The following HFE variants were observed in gnomAD, a reference collection of about 807,000 sequenced individuals.
HFE encodes the protein hereditary hemochromatosis protein.
In HFE, 36 loss-of-function variants were observed where a neutral mutation model predicts 40.9. The observed-to-expected ratio is 0.88, with a 90% confidence interval of 0.67 to 1.16. The LOEUF is 1.16. HFE is among the 50% of genes most tolerant of loss of function. HFE has a pLI of 0.00. For synonymous variants in HFE, 157 were observed against 165.4 expected (o/e 0.95, Z 0.39); for missense variants, 376 against 432.0 (o/e 0.87, Z 1.15).
rs1763004216 is a variant in HFE, at chr6:26,095,746, CT to C, written c.*1521del. On this transcript the variant is annotated 3_prime_UTR_variant, in exon 6 of 6. Transcript: ENST00000357618. Reference sequence around the variant, plus strand: ...AAGGGGAACAGCAGAAAACAACCAACTGATCCTCAGCTGTCATGTTTCCTTT... The same window carrying C: ...AAGGGGAACAGCAGAAAACAACCAACGATCCTCAGCTGTCATGTTTCCTTT... 6.6e-6 allele frequency: 1 copy of C among 152,214 alleles called. No individual in the cohort carries two copies. Among genetic ancestry groups the C allele is most frequent in the African/African-American group, 2.4e-5 (1 of 41,460 alleles). The allele number at this position is 152,214 out of a possible 1,614,324, so 9.4% of individuals were successfully genotyped here.
chr6:26,096,073 T>TA lies in HFE; in HGVS notation c.*1857dup, dbSNP rs371279653. ...GAGCCACTGGGGTTCCGGTGCACATTAAAAAAAAAATCTAACCAGGACATT... is the reference window on the plus strand; with the variant it reads ...GAGCCACTGGGGTTCCGGTGCACATTAAAAAAAAAAATCTAACCAGGACATT... On this transcript the variant is annotated 3_prime_UTR_variant, in exon 6 of 6. Coordinates refer to ENST00000357618, the MANE Select transcript of HFE (RefSeq NM_000410.4). 3.8e-3 allele frequency: 572 copies of TA among 150,492 alleles called. 3 individuals are homozygous for TA. The highest frequency in any genetic ancestry group is 0.012 in the African/African-American group (470 of 40,274). The allele number at this position is 150,492 out of a possible 1,614,324, so 9.3% of individuals were successfully genotyped here.
Position 26,097,186 on chromosome 6 carries a change from T to C in HFE, c.*2960T>C, listed in dbSNP as rs1001345852. 1.3e-5 allele frequency: 2 copies of C among 152,376 alleles called. No individual in the cohort carries two copies. Among genetic ancestry groups the C allele is most frequent in the Non-Finnish European group, 2.9e-5 (2 of 68,160 alleles). The allele number at this position is 152,376 out of a possible 1,614,324, so 9.4% of individuals were successfully genotyped here. ...GGTAAGCATTTGTTTTATATTGGTT[T>C]TATTTCACCTGGGCTGAGATTTCAA... On this transcript the variant is annotated 3_prime_UTR_variant, in exon 6 of 6. Coordinates refer to ENST00000357618, the MANE Select transcript of HFE (RefSeq NM_000410.4).
At chr6:26,089,750 A>G (rs1312806013) in intron 1 of HFE, among the ~76,000 whole-genome samples, 1 of 152,000 alleles carries the variant, frequency 6.6e-6, no homozygotes, top group African/African-American at 2.4e-5. Flanking sequence ...AACACAGCAA[A>G]ACCCCTTCTC....
intron 1 of HFE, among the ~76,000 whole-genome samples, 198 bp downstream of exon 1, chr6:26,087,714 C>G (rs1160591575): frequency 6.6e-6 from 1 of 152,208 alleles, no homozygotes; most frequent in Non-Finnish European, 1.5e-5. Flanking sequence ...GTCCCTCGCC[C>G]CAGGACCTGC....
In HFE at chr6:26,096,526, T is replaced by G. The variant is rs1470992808; in HGVS notation, c.*2300T>G. 3 of 456,444 alleles carry G rather than the reference T, an allele frequency of 6.6e-6. No homozygotes were observed. Among genetic ancestry groups the G allele is most frequent in the African/African-American group, 6.0e-5 (3 of 50,088 alleles). 28.3% of individuals were successfully genotyped at this position (456,444 alleles called of 1,614,324 possible). A position where few individuals can be genotyped will look rare whatever the true frequency, so the allele number is the denominator to read the frequency against. The stretch of plus-strand genomic sequence containing the variant: ...CTGCATAAATGTGGTACAAGCATTC[T>G]GTCTTGAAGGGCAGGTGCTTCAGGA... On this transcript the variant is annotated 3_prime_UTR_variant, in exon 6 of 6. Transcript: ENST00000357618.
rs892681629 is a variant in HFE at position 26,094,321 on chromosome 6, G to A, written c.*95G>A. ...GCTCTTCATGTTTCAGGAGAGAGTT[G>A]AACCTAAACATAGAAATTGCCTGAC... is the stretch of plus-strand genomic sequence containing the variant. On this transcript the variant is annotated 3_prime_UTR_variant, in exon 6 of 6. Transcript: ENST00000357618. 3.5e-6 allele frequency: 4 copies of A among 1,158,826 alleles called. No individual in the cohort carries two copies. Among genetic ancestry groups the A allele is most frequent in the Non-Finnish European group, 5.2e-6 (4 of 774,944 alleles). 71.8% of individuals were successfully genotyped at this position (1,158,826 alleles called of 1,614,324 possible). A position where few individuals can be genotyped will look rare whatever the true frequency, so the allele number is the denominator to read the frequency against.
Position 26,096,985 on chromosome 6 carries a change from A to T in HFE, c.*2759A>T. On this transcript the variant is annotated 3_prime_UTR_variant, in exon 6 of 6. Coordinates refer to ENST00000357618, the MANE Select transcript of HFE (RefSeq NM_000410.4). ...GTAGCCGAATTAATCGTGTTTCTTC[A>T]CTCTAGGGACATTGTCGTCTAAGTT... is the stretch of plus-strand genomic sequence containing the variant. The T allele has an allele frequency of 5.1e-6, 1 of 197,548 alleles. No homozygotes were observed. The highest frequency in any genetic ancestry group is 1.0e-5 in the Non-Finnish European group (1 of 95,552). The allele number at this position is 197,548 out of a possible 1,614,324, so 12.2% of individuals were successfully genotyped here. A position where few individuals can be genotyped will look rare whatever the true frequency, so the allele number is the denominator to read the frequency against.
intron 1 of HFE, 108 bp from the exon 2 acceptor site, chr6:26,090,733 A>T (rs1762635196): frequency 8.4e-7 from 1 of 1,190,034 alleles, no homozygotes; most frequent in Admixed American, 1.7e-5. Context: ...CCTTCACAAA[A>T]TGAGGACCAG....
At position 26,090,789 on chromosome 6, in the gene HFE, A is replaced by C. The variant is rs1448136230; in HGVS notation, c.77-52A>C. The C allele has an allele frequency of 5.6e-6, 9 of 1,594,462 alleles. No homozygotes were observed. In the African/African-American group the frequency reaches 8.1e-5, roughly 14 times the overall value. On this transcript the variant is annotated intron_variant, in intron 1 of 5. Coordinates refer to ENST00000357618, the MANE Select transcript of HFE (RefSeq NM_000410.4). ...TGATGCAGGTGTGTGGAGCCTCAAC[A>C]TCCTGCTCCCCTCCTACTACACATG...
Position 26,090,833 on chromosome 6 carries a change from G to A in HFE, c.77-8G>A. ...ACACATGGTTAAGGCCTGTTGCTCT[G>A]TCTCCAGGTTCACACTCTCTGCACT... On this transcript the variant is annotated splice_region_variant and splice_polypyrimidine_tract_variant and intron_variant, in intron 1 of 5. Transcript: ENST00000357618. 6.2e-7 allele frequency: 1 copy of A among 1,613,340 alleles called. No homozygotes were observed. Among genetic ancestry groups the A allele is most frequent in the Non-Finnish European group, 8.5e-7 (1 of 1,179,988 alleles).
rs893799972 is a variant in HFE, at chr6:26,092,626, A to G, written c.617-59A>G. Reference sequence around the variant, plus strand: ...ACCTATAGAAGGAAGTGAAAGTTCCAGTCTTCCTGGCAAGGGTAAACAGAT... The same window carrying G: ...ACCTATAGAAGGAAGTGAAAGTTCCGGTCTTCCTGGCAAGGGTAAACAGAT... On this transcript the variant is annotated intron_variant, in intron 3 of 5. Coordinates refer to ENST00000357618, the MANE Select transcript of HFE (RefSeq NM_000410.4). 7.4e-6 allele frequency: 12 copies of G among 1,613,872 alleles called. No individual in the cohort carries two copies. In the African/African-American group the frequency reaches 1.5e-4, roughly 20 times the overall value.
In HFE at chr6:26,093,080, G is replaced by A. The variant is rs750403696; in HGVS notation, c.893-39G>A. 4 of 1,613,318 alleles carry A rather than the reference G, an allele frequency of 2.5e-6. No homozygotes were observed. The East Asian group carries it at 8.9e-5, about 36-fold the overall frequency. Reference sequence around the variant, plus strand: ...CTCTTTGTTAGGGGGTGGGCTGAGGGTGGCAATCAAAGGCTTTAACTTGCT... The same window carrying A: ...CTCTTTGTTAGGGGGTGGGCTGAGGATGGCAATCAAAGGCTTTAACTTGCT... On this transcript the variant is annotated intron_variant, in intron 4 of 5. Coordinates refer to ENST00000357618, the MANE Select transcript of HFE (RefSeq NM_000410.4).
rs1245926431 is a variant in HFE, at chr6:26,098,174, A to G, written c.*3948A>G. The G allele has an allele frequency of 1.3e-5, 2 of 152,232 alleles. No individual in the cohort carries two copies. Among genetic ancestry groups the G allele is most frequent in the African/African-American group, 4.8e-5 (2 of 41,464 alleles). The allele number at this position is 152,232 out of a possible 1,614,324, so 9.4% of individuals were successfully genotyped here. On this transcript the variant is annotated 3_prime_UTR_variant, in exon 6 of 6. Transcript: ENST00000357618. Reference sequence around the variant, plus strand: ...AGCCTAGGATGCGTTGACATCCTGCATGCATTTATTACTTGATATGCATGC... The same window carrying G: ...AGCCTAGGATGCGTTGACATCCTGCGTGCATTTATTACTTGATATGCATGC...
intron 1 of HFE, among the ~76,000 whole-genome samples, chr6:26,089,076 G>A (rs556494559): frequency 6.8e-4 from 95 of 140,526 alleles, no homozygotes; most frequent in African/African-American, 1.9e-3. Context: ...TTAAAAAGCG[G>A]GTTTTCTCAG....
In HFE at chr6:26,091,397, G is replaced by A; in HGVS notation, c.424G>A (p.Gly142Arg). 1 of 1,614,164 alleles carries A rather than the reference G, an allele frequency of 6.2e-7. No homozygotes were observed. The highest frequency in any genetic ancestry group is 8.5e-7 in the Non-Finnish European group (1 of 1,180,030). ...GGGCTACTGGAAGTACGGGTATGAT[G>A]GGCAGGACCACCTTGAATTCTGCCC... Reference protein sequence around the residue: ...TEGYWKYGYDGQDHLEFCPDT... With the variant: ...TEGYWKYGYDRQDHLEFCPDT... Residue 142 changes from glycine to arginine, a missense_variant, in exon 3 of 6, where the codon GGG (glycine) becomes AGG (arginine). By Grantham distance (125) the Gly-to-Arg change is moderately radical. Transcript: ENST00000357618.
chr6:26,090,804 T>TA, intron 1 of HFE, 37 bp from the exon 2 acceptor site: 1 of 1,610,370 alleles, frequency 6.2e-7, no homozygotes, highest in Non-Finnish European at 8.5e-7. Context: ...GCTCCCCTCC[T>TA]ACTACACATG....
At position 26,091,053 on chromosome 6, in the gene HFE, A is replaced by C. The variant is rs756698931; in HGVS notation, c.289A>C (p.Met97Leu). Reference sequence around the variant, plus strand: ...TCAGAGTCTGAAAGGGTGGGATCACATGTTCACTGTTGACTTCTGGACTAT... The same window carrying C: ...TCAGAGTCTGAAAGGGTGGGATCACCTGTTCACTGTTGACTTCTGGACTAT... ...LSQSLKGWDHMFTVDFWTIME... is the reference protein window; with the variant it reads ...LSQSLKGWDHLFTVDFWTIME... Residue 97 changes from methionine (M) to leucine (L), a missense_variant, in exon 2 of 6, where the codon ATG becomes CTG. Met to Leu is a conservative substitution (Grantham distance 15). This residue lies in a region of HFE where 200 missense variants were observed against 228.5 expected (regional missense o/e 0.88). Coordinates refer to ENST00000357618, the MANE Select transcript of HFE (RefSeq NM_000410.4). 4 of 1,614,200 alleles carry C rather than the reference A, an allele frequency of 2.5e-6. No individual in the cohort carries two copies. Among genetic ancestry groups the C allele is most frequent in the Non-Finnish European group, 3.4e-6 (4 of 1,180,016 alleles).
rs1762685150 is a variant in HFE, at chr6:26,091,321, C to G, written c.348C>G (p.His116Gln). 1 of 1,614,050 alleles carries G rather than the reference C, an allele frequency of 6.2e-7. No homozygotes were observed. Among genetic ancestry groups the G allele is most frequent in the Admixed American group, 1.7e-5 (1 of 60,008 alleles). Residue 116 changes from histidine to glutamine, a missense_variant, in exon 3 of 6, where the codon CAC becomes CAG. Transcript: ENST00000357618. ...GGCTGGGGATTTTTCCAGAGTCCCACACCCTGCAGGTCATCCTGGGCTGTG... is the reference window on the plus strand; with the variant it reads ...GGCTGGGGATTTTTCCAGAGTCCCAGACCCTGCAGGTCATCCTGGGCTGTG... ...MENHNHSKES[H>Q]TLQVILGCEM...
rs899587343 is a variant in HFE, at chr6:26,097,425, G to C, written c.*3199G>C. ...CATTTTAAATTCTTATTCACCTCTG[G>C]CAAAACCATTCACAAACCATGGTAG... On this transcript the variant is annotated 3_prime_UTR_variant, in exon 6 of 6. Transcript: ENST00000357618. 6.6e-6 allele frequency: 1 copy of C among 151,926 alleles called. No individual in the cohort carries two copies. Among genetic ancestry groups the C allele is most frequent in the African/African-American group, 2.4e-5 (1 of 41,342 alleles). The allele number at this position is 151,926 out of a possible 1,614,324, so 9.4% of individuals were successfully genotyped here.
Sources: allele counts gnomAD v4.1 joint callset (sites outside exome capture counted in the v4.1 genomes callset), GRCh38; gene constraint gnomAD v4.1.1; regional missense constraint gnomAD v4.1.1; transcripts MANE v1.5; gene names NCBI Gene and HGNC (gene_info 2026-07-23, HGNC 2026-07-21).